BMERB1: variants seen among roughly 807,000 people sequenced by gnomAD.
BMERB1 encodes bMERB domain containing 1.
A neutral mutation model predicts 23.6 loss-of-function variants in BMERB1; 12 were observed. The ratio of observed to expected loss-of-function variants is 0.51; its 90% CI spans 0.33 to 0.82. BMERB1 has a LOEUF of 0.82. Ranked by LOEUF, BMERB1 falls within the 40% of genes least tolerant of loss-of-function variation. The probability of loss-of-function intolerance (pLI) is 0.03; values close to 1 mark genes in which losing one functional copy is unlikely to be tolerated. For missense variants in BMERB1, 247 were observed against 255.4 expected (o/e 0.97, Z 0.22); for synonymous variants, 122 against 96.6 (o/e 1.26, Z -1.54).
At chr16:15,495,060 T>A (rs2051460525) in intron 1 of BMERB1, among the ~76,000 whole-genome samples, 1 of 151,686 alleles carries the variant, frequency 6.6e-6, no homozygotes, top group African/African-American at 2.4e-5. Flanking sequence ...ATTTTTGTAT[T>A]TTTAGTAAAG....
chr16:15,485,957 G>A (rs771381099), intron 1 of BMERB1, among the ~76,000 whole-genome samples: 25 of 152,050 alleles, frequency 1.6e-4, no homozygotes, highest in Non-Finnish European at 2.5e-4. Context: ...AAAATGGCAG[G>A]TTGGCCAGGT....
chr16:15,525,051 G>A (rs898126623), intron 2 of BMERB1, among the ~76,000 whole-genome samples: 13 of 152,106 alleles, frequency 8.5e-5, no homozygotes, highest in Admixed American at 7.9e-4. Flanking sequence ...AAGATTCTTC[G>A]ATGTATGTGT....
chr16:15,485,499 G>A (rs188277195), intron 1 of BMERB1, among the ~76,000 whole-genome samples: 6 of 92,180 alleles, frequency 6.5e-5, no homozygotes, highest in African/African-American at 9.6e-5. Flanking sequence ...TAATTTCTTC[G>A]GAGAAGCATT....
At chr16:15,580,995 C>T (rs902671472) in intron 3 of BMERB1, among the ~76,000 whole-genome samples, 1 of 151,840 alleles carries the variant, frequency 6.6e-6, no homozygotes, top group Admixed American at 6.6e-5. Context: ...CTCCCAGGTT[C>T]AAGCAATTCT....
chr16:15,456,864 C>T (rs1050372017), intron 1 of BMERB1, among the ~76,000 whole-genome samples: 13 of 152,002 alleles, frequency 8.6e-5, no homozygotes, highest in South Asian at 6.2e-4. Flanking sequence ...CTCACTCTTT[C>T]GCCCAGGTTG....
intron 1 of BMERB1, among the ~76,000 whole-genome samples, chr16:15,476,041 G>C (rs1318302866): frequency 1.3e-5 from 2 of 151,946 alleles, no homozygotes; most frequent in Admixed American, 6.6e-5. Context: ...GTGGTCTAAA[G>C]CCCCCCTGTG....
rs1460113256 is a variant in BMERB1 at position 15,435,481 on chromosome 16, A to G, written c.106+722A>G. ...TTTTGTTTTTCATTAATAGGATACA[A>G]TAGTTGAAACTCCTGCCCTCAAAGT... On this transcript the variant is annotated intron_variant, in intron 1 of 5. Coordinates refer to ENST00000300006, the MANE Select transcript of BMERB1 (RefSeq NM_033201.3). Among the ~76,000 whole-genome samples the G allele has an allele frequency of 3.9e-5, 6 of 152,196 alleles. 1 individual carries two copies. The South Asian group carries it at 1.2e-3, about 32-fold the overall frequency.
At chr16:15,461,580 C>T (rs893125311) in intron 1 of BMERB1, among the ~76,000 whole-genome samples, 1 of 151,956 alleles carries the variant, frequency 6.6e-6, no homozygotes, top group African/African-American at 2.4e-5. Context: ...ATAATTTTAA[C>T]CTGTGGCAAG....
chr16:15,435,292 G>A (rs765016160), intron 1 of BMERB1, among the ~76,000 whole-genome samples: 1 of 152,178 alleles, frequency 6.6e-6, no homozygotes, highest in Non-Finnish European at 1.5e-5. Context: ...GGCTTGGGGC[G>A]GCAAAAGGGT....
chr16:15,571,628 T>G (rs2030729749), intron 3 of BMERB1, among the ~76,000 whole-genome samples: 1 of 152,164 alleles, frequency 6.6e-6, no homozygotes, highest in Non-Finnish European at 1.5e-5. Flanking sequence ...GTGCTAGGAT[T>G]ACAGGTGTGA....
intron 1 of BMERB1, among the ~76,000 whole-genome samples, chr16:15,505,167 T>A (rs1033945179): frequency 6.6e-6 from 1 of 152,082 alleles, no homozygotes; most frequent in African/African-American, 2.4e-5. Context: ...GGTATGAGGC[T>A]GACCAAAACG....
At chr16:15,438,343 T>C (rs1371936212) in intron 1 of BMERB1, among the ~76,000 whole-genome samples, 2 of 151,968 alleles carry the variant, frequency 1.3e-5, no homozygotes, top group Non-Finnish European at 2.9e-5. Flanking sequence ...CACCTCAGCC[T>C]TCCAAAGTGC....
intron 3 of BMERB1, among the ~76,000 whole-genome samples, chr16:15,580,767 G>T (rs113026107): frequency 3.3e-5 from 5 of 151,310 alleles, no homozygotes; most frequent in Admixed American, 6.6e-5. Context: ...GGATGGTCTC[G>T]ATCTCCTGAC....
chr16:15,583,407 G>A (rs914994580), intron 5 of BMERB1, among the ~76,000 whole-genome samples, 169 bp downstream of exon 5: 2 of 151,786 alleles, frequency 1.3e-5, no homozygotes, highest in African/African-American at 2.4e-5. Flanking sequence ...GTGAAACCCC[G>A]TATCTACCAA....
chr16:15,480,857 T>C (rs762830076), intron 1 of BMERB1, among the ~76,000 whole-genome samples: 1 of 151,158 alleles, frequency 6.6e-6, no homozygotes, highest in Non-Finnish European at 1.5e-5. Context: ...CAAGATCCAC[T>C]GACATCGGCC....
chr16:15,530,903 CTTTTTTTTT>C (rs1220558728), intron 2 of BMERB1, among the ~76,000 whole-genome samples: 4 of 109,250 alleles, frequency 3.7e-5, no homozygotes, highest in African/African-American at 1.4e-4. Flanking sequence ...TTTCTTCTTT[CTTTTTTTTT>C]TTTTTTTTTT....
chr16:15,542,308 C>T (rs1470645456), intron 2 of BMERB1, among the ~76,000 whole-genome samples: 9 of 144,852 alleles, frequency 6.2e-5, no homozygotes, highest in Non-Finnish European at 8.8e-5. Context: ...CGTGATCTGC[C>T]GGCCTGGACC....
intron 1 of BMERB1, among the ~76,000 whole-genome samples, chr16:15,462,318 AT>A (rs995856331): frequency 2.0e-5 from 3 of 150,992 alleles, no homozygotes; most frequent in South Asian, 4.2e-4. Context: ...CGCCTGGCTA[AT>A]TTTTTTGTAT....
chr16:15,546,018 G>A (rs1352546113), intron 2 of BMERB1, among the ~76,000 whole-genome samples: 1 of 152,142 alleles, frequency 6.6e-6, no homozygotes, highest in Non-Finnish European at 1.5e-5. Flanking sequence ...CAGGCACAGG[G>A]GCTCACGCCT....
Sources: gnomAD v4.1 joint callset for allele counts (sites outside exome capture counted in the v4.1 genomes callset) on GRCh38, gnomAD v4.1.1 for gene constraint, MANE v1.5 for transcripts, NCBI Gene and HGNC (gene_info 2026-07-23, HGNC 2026-07-21) for gene names.